The following COL24A1 variants were observed in gnomAD, a reference collection of about 807,000 sequenced individuals.
COL24A1 encodes collagen type XXIV alpha 1 chain.
COL24A1 carries 224 observed loss-of-function variants against 253.9 expected under a neutral mutation model. The ratio of observed to expected loss-of-function variants is 0.88; its 90% CI spans 0.79 to 0.99. The LOEUF is 0.99. COL24A1 is among the 50% of genes least tolerant of loss of function. The pLI is 0.00. For synonymous variants in COL24A1, 685 were observed against 673.7 expected, an observed-to-expected ratio of 1.02 and a Z score of -0.26; for missense variants, 2,131 against 2,068.5, an observed-to-expected ratio of 1.03 and a Z score of -0.59.
chr1:85,842,359 G>C lies in COL24A1; in HGVS notation c.3497C>G (p.Pro1166Arg), dbSNP rs781495757. 6.2e-7 allele frequency: 1 copy of C among 1,600,606 alleles called. No homozygotes were observed. Among genetic ancestry groups the C allele is most frequent in the African/African-American group, 1.3e-5 (1 of 74,210 alleles). ...ACTTACCCTGTACCCTGGAATTCCT[G>C]GTTCTCCATCAGGTCCCATCAATCC... The part of the protein sequence containing the change: ...HLGLMGPDGE[P>R]GIPGYRGHQG... The change falls in exon 40 of 60, where the codon CCA (proline) becomes CGA (arginine). Residue 1166 changes from proline (P) to arginine (R), a missense_variant. By Grantham distance (103) the Pro-to-Arg change is moderately radical. Coordinates refer to ENST00000370571, the MANE Select transcript of COL24A1 (RefSeq NM_152890.7).
chr1:86,148,583 A>T (rs1416661840), intron 1 of COL24A1, among the ~76,000 whole-genome samples: 2 of 149,092 alleles, frequency 1.3e-5, no homozygotes, highest in East Asian at 3.9e-4. Flanking sequence ...CCCACCTATG[A>T]GTGAGAATAT....
chr1:86,000,727 C>T (rs1695314780), intron 19 of COL24A1, among the ~76,000 whole-genome samples: 1 of 152,240 alleles, frequency 6.6e-6, no homozygotes. Flanking sequence ...AGAGGACCCA[C>T]TGTTTGGCCA....
chr1:85,983,273 C>G (rs1341022080), intron 20 of COL24A1, among the ~76,000 whole-genome samples: 1 of 151,920 alleles, frequency 6.6e-6, no homozygotes, highest in African/African-American at 2.4e-5. Flanking sequence ...CAGTAAGCAG[C>G]AAAAGATCTG....
intron 22 of COL24A1, among the ~76,000 whole-genome samples, chr1:85,969,284 T>C (rs1397090358): frequency 6.6e-6 from 1 of 152,048 alleles, no homozygotes; most frequent in Non-Finnish European, 1.5e-5. Flanking sequence ...ATAATCACAG[T>C]CTTTTTAAAC....
intron 57 of COL24A1, 60 bp from the exon 58 acceptor site, chr1:85,737,565 TC>T: frequency 1.7e-6 from 2 of 1,205,840 alleles, no homozygotes; most frequent in South Asian, 1.5e-5. Context: ...CCTTATAATT[TC>T]TTTTTTTTTT....
At chr1:86,045,948 G>T in intron 12 of COL24A1, 1 of 364,466 alleles carries the variant, frequency 2.7e-6, no homozygotes, top group Non-Finnish European at 5.4e-6. Flanking sequence ...TTTAGATTCA[G>T]TGGAGCTTTG....
intron 24 of COL24A1, among the ~76,000 whole-genome samples, chr1:85,948,868 C>T (rs1009627959): frequency 1.3e-5 from 2 of 151,436 alleles, no homozygotes; most frequent in Non-Finnish European, 2.9e-5. Flanking sequence ...TAAAAAAAAT[C>T]CTCAACAAAA....
chr1:85,857,819 C>CCCAAT (rs1678628192), intron 37 of COL24A1, among the ~76,000 whole-genome samples: 1 of 152,138 alleles, frequency 6.6e-6, no homozygotes, highest in Non-Finnish European at 1.5e-5. Flanking sequence ...CCCCCGCAAC[C>CCCAAT]CCAATGCATT....
intron 55 of COL24A1, among the ~76,000 whole-genome samples, chr1:85,755,907 G>GAA (rs199846494): frequency 7.9e-5 from 2 of 25,330 alleles, no homozygotes; most frequent in African/African-American, 1.4e-4. Context: ...GACTATATCA[G>GAA]AAAAAAAAAA....
At chr1:86,085,772 G>C (rs573852288) in intron 7 of COL24A1, among the ~76,000 whole-genome samples, 1 of 152,256 alleles carries the variant, frequency 6.6e-6, no homozygotes, top group African/African-American at 2.4e-5. Context: ...CATGAAGGTA[G>C]CTAAGTTAAG....
At chr1:85,975,908 T>C (rs1692628575) in intron 20 of COL24A1, among the ~76,000 whole-genome samples, 1 of 152,086 alleles carries the variant, frequency 6.6e-6, no homozygotes, top group African/African-American at 2.4e-5. Context: ...GAAACTGATT[T>C]AGCGTGAAAC....
At chr1:86,032,062 T>A in intron 13 of COL24A1, 140 bp from the exon 14 acceptor site, 1 of 602,248 alleles carries the variant, frequency 1.7e-6, no homozygotes. Context: ...GAAACTCCCC[T>A]AATCTATGCA....
At chr1:85,768,596 G>GC in intron 53 of COL24A1, among the ~76,000 whole-genome samples, 1 of 142,182 alleles carries the variant, frequency 7.0e-6, no homozygotes, top group African/African-American at 2.5e-5. Flanking sequence ...GCGGGGGGAG[G>GC]GCTTATTTCT....
intron 3 of COL24A1, among the ~76,000 whole-genome samples, chr1:86,123,571 C>G (rs1333390985): frequency 6.6e-6 from 1 of 151,958 alleles, no homozygotes; most frequent in African/African-American, 2.4e-5. Context: ...ACTGCTTCAC[C>G]TGCCAATACT....
intron 24 of COL24A1, among the ~76,000 whole-genome samples, chr1:85,955,746 T>C (rs944219338): frequency 6.6e-6 from 1 of 152,256 alleles, no homozygotes; most frequent in Non-Finnish European, 1.5e-5. Flanking sequence ...GCTAATTTCA[T>C]GGTAATTCTA....
At chr1:86,045,792 T>C (rs1309470129) in intron 12 of COL24A1, 4 of 410,058 alleles carry the variant, frequency 9.8e-6, no homozygotes, top group Admixed American at 8.6e-5. Context: ...GGTAAGTTTA[T>C]CTTAATACAC....
At chr1:85,956,435 G>C (rs931531370) in intron 24 of COL24A1, among the ~76,000 whole-genome samples, 1 of 151,986 alleles carries the variant, frequency 6.6e-6, no homozygotes, top group Non-Finnish European at 1.5e-5. Flanking sequence ...TCTGCTCATC[G>C]GTCATTTATT....
At chr1:86,006,037 G>A (rs981198068) in intron 19 of COL24A1, among the ~76,000 whole-genome samples, 1 of 152,084 alleles carries the variant, frequency 6.6e-6, no homozygotes, top group Non-Finnish European at 1.5e-5. Context: ...AAATTTATAT[G>A]AGGAAAACTA....
intron 1 of COL24A1, chr1:86,154,756 G>C (rs1036693395): frequency 2.6e-5 from 4 of 153,034 alleles, no homozygotes. Flanking sequence ...GGCCTCGCGC[G>C]GTGGCAGAGG....
Sources: gnomAD v4.1 joint callset for allele counts (sites outside exome capture counted in the v4.1 genomes callset) on GRCh38, gnomAD v4.1.1 for gene constraint, MANE v1.5 for transcripts, NCBI Gene and HGNC (gene_info 2026-07-23, HGNC 2026-07-21) for gene names.